The following BBS9 variants were observed in gnomAD, a reference collection of about 807,000 sequenced individuals.
The protein encoded by BBS9 is protein PTHB1.
A neutral mutation model predicts 117.7 loss-of-function variants in BBS9; 89 were observed. The ratio of observed to expected loss-of-function variants is 0.76; its 90% CI spans 0.64 to 0.90. The LOEUF (loss-of-function observed/expected upper bound fraction) is 0.90, where lower values mean the gene tolerates loss of function less well. BBS9 is among the 40% of genes least tolerant of loss of function. The pLI is 0.00. For missense variants in BBS9, 982 were observed against 1,042.2 expected, an observed-to-expected ratio of 0.94 and a Z score of 0.80; for synonymous variants, 379 against 370.9, an observed-to-expected ratio of 1.02 and a Z score of -0.25.
chr7:33,609,865 T>C (rs1864769642), downstream of BBS9, among the ~76,000 whole-genome samples: 1 of 152,052 alleles, frequency 6.6e-6, no homozygotes, highest in Non-Finnish European at 1.5e-5. Flanking sequence ...AATTTAACCA[T>C]ATACAGAGTT....
chr7:33,292,310 C>A (rs1454312497), intron 9 of BBS9, among the ~76,000 whole-genome samples: 1 of 152,062 alleles, frequency 6.6e-6, no homozygotes, highest in African/African-American at 2.4e-5. Context: ...TCACTGCAAC[C>A]TCTGCCTCCC....
intron 9 of BBS9, among the ~76,000 whole-genome samples, chr7:33,317,872 C>T (rs74790296): frequency 0.034 from 5,136 of 152,150 alleles, 288 homozygotes; most frequent in African/African-American, 0.12. Flanking sequence ...GCCAACCTGG[C>T]GAAACCCCGT....
At chr7:33,559,439 A>G (rs1015961049) in intron 21 of BBS9, among the ~76,000 whole-genome samples, 2 of 152,102 alleles carry the variant, frequency 1.3e-5, no homozygotes, top group Admixed American at 1.3e-4. Flanking sequence ...AGCCCCCAGG[A>G]TTATGACTTC....
At chr7:33,177,878 T>G in intron 5 of BBS9, 1 of 324,146 alleles carries the variant, frequency 3.1e-6, no homozygotes, top group Admixed American at 4.6e-5. Flanking sequence ...ACATTGGAAG[T>G]CTTTGATTTT....
chr7:33,244,234 A>C (rs1369914003), intron 5 of BBS9, among the ~76,000 whole-genome samples: 1 of 149,542 alleles, frequency 6.7e-6, no homozygotes, highest in African/African-American at 2.5e-5. Flanking sequence ...CATCTCAAAA[A>C]ACAAACAAAC....
chr7:33,454,882 T>G (rs967116993), intron 19 of BBS9, among the ~76,000 whole-genome samples: 2 of 152,150 alleles, frequency 1.3e-5, no homozygotes, highest in African/African-American at 2.4e-5. Flanking sequence ...GGGGAGGAGT[T>G]TGGCCAGGAG....
chr7:33,309,002 G>A (rs1224804787), intron 9 of BBS9, among the ~76,000 whole-genome samples: 1 of 152,176 alleles, frequency 6.6e-6, no homozygotes, highest in Non-Finnish European at 1.5e-5. Context: ...ATCAGAGTGA[G>A]CTTGGTTCAT....
At chr7:33,590,451 G>GTTTTTTTTTTTTTTTTT (rs1554551637) in intron 21 of BBS9, among the ~76,000 whole-genome samples, 1 of 84,492 alleles carries the variant, frequency 1.2e-5, no homozygotes, top group East Asian at 4.9e-4. Flanking sequence ...TTGTTTTTTT[G>GTTTTTTTTTTTTTTTTT]TTTTTTTGTT....
intron 20 of BBS9, among the ~76,000 whole-genome samples, chr7:33,507,211 A>G (rs1032280956): frequency 1.3e-5 from 2 of 152,120 alleles, no homozygotes; most frequent in African/African-American, 2.4e-5. Context: ...CACTAAAGTT[A>G]TGCAAGATCA....
At chr7:33,233,118 C>A (rs374716958) in intron 5 of BBS9, among the ~76,000 whole-genome samples, 9 of 152,088 alleles carry the variant, frequency 5.9e-5, no homozygotes, top group African/African-American at 1.9e-4. Flanking sequence ...GAGAAATGAG[C>A]CATTCCTGGA....
At chr7:33,464,914 A>G (rs1322658272) in intron 19 of BBS9, among the ~76,000 whole-genome samples, 11 of 151,968 alleles carry the variant, frequency 7.2e-5, no homozygotes, top group Admixed American at 7.2e-4. Context: ...CAGCCTTGAT[A>G]TCCTGGGCTC....
intron 21 of BBS9, among the ~76,000 whole-genome samples, chr7:33,567,115 C>T (rs1412211042): frequency 2.6e-5 from 4 of 152,104 alleles, no homozygotes; most frequent in African/African-American, 4.8e-5. Context: ...TTAAGGAATC[C>T]GTAAATCAAG....
At chr7:33,228,702 G>C (rs889410597) in intron 5 of BBS9, among the ~76,000 whole-genome samples, 1 of 152,142 alleles carries the variant, frequency 6.6e-6, no homozygotes, top group Non-Finnish European at 1.5e-5. Flanking sequence ...AAGTTATTAA[G>C]AAAATCATAA....
rs1846054770 is a variant in BBS9 at position 33,505,664 on chromosome 7, G to A, written c.2298+19G>A. 1.2e-6 allele frequency: 2 copies of A among 1,611,808 alleles called. No individual in the cohort carries two copies. Among genetic ancestry groups the A allele is most frequent in the Non-Finnish European group, 1.7e-6 (2 of 1,179,674 alleles). On this transcript the variant is annotated intron_variant, in intron 20 of 22. Coordinates refer to ENST00000242067, the MANE Select transcript of BBS9 (RefSeq NM_198428.3). ...AGAATTGGTAAGGACCTGAAAGCCTGTGGTGGGAACAGCCAGCATTATTGA... is the reference window on the plus strand; with the variant it reads ...AGAATTGGTAAGGACCTGAAAGCCTATGGTGGGAACAGCCAGCATTATTGA...
chr7:33,252,245 A>G (rs1268507545), intron 5 of BBS9, among the ~76,000 whole-genome samples: 1 of 152,160 alleles, frequency 6.6e-6, no homozygotes, highest in Non-Finnish European at 1.5e-5. Context: ...TCGTGATCCA[A>G]TTACCTCCCT....
At chr7:33,370,479 A>G (rs993583377) in intron 17 of BBS9, among the ~76,000 whole-genome samples, 2 of 152,120 alleles carry the variant, frequency 1.3e-5, no homozygotes, top group African/African-American at 4.8e-5. Flanking sequence ...CAAAAAAAAA[A>G]GTAGTGCTTA....
chr7:33,485,885 A>G (rs1385851295), intron 19 of BBS9, among the ~76,000 whole-genome samples: 1 of 152,184 alleles, frequency 6.6e-6, no homozygotes, highest in East Asian at 1.9e-4. Context: ...GGTCACCTCA[A>G]TTAAAGAGGA....
chr7:33,318,749 C>T (rs1335082470), intron 9 of BBS9, among the ~76,000 whole-genome samples: 4 of 152,088 alleles, frequency 2.6e-5, no homozygotes. Context: ...TCCTTCCCTT[C>T]CCCAGTCCCC....
intron 19 of BBS9, among the ~76,000 whole-genome samples, chr7:33,452,114 G>A (rs1455452744): frequency 3.9e-5 from 6 of 152,024 alleles, no homozygotes; most frequent in Admixed American, 1.3e-4. Context: ...AATTACAGGC[G>A]TGAGCCACTG....
Sources: allele counts gnomAD v4.1 joint callset (sites outside exome capture counted in the v4.1 genomes callset), GRCh38; gene constraint gnomAD v4.1.1; transcripts MANE v1.5; gene names NCBI Gene and HGNC (gene_info 2026-07-23, HGNC 2026-07-21).